Variants in PXDNL observed in about 807,000 individuals in gnomAD.
PXDNL encodes peroxidasin like.
In PXDNL, 145 loss-of-function variants were observed where a neutral mutation model predicts 150.8. The observed-to-expected ratio is 0.96, with a 90% CI of 0.84 to 1.10. PXDNL has a LOEUF of 1.10. Ranked by LOEUF, PXDNL falls within the 50% of genes least tolerant of loss-of-function variation. PXDNL has a pLI of 0.00. For missense variants in PXDNL, 2,087 were observed against 1,873.9 expected (o/e 1.11, Z -2.10); for synonymous variants, 757 against 725.7 (o/e 1.04, Z -0.69).
chr8:51,803,554 T>C (rs1202092457), intron 1 of PXDNL, among the ~76,000 whole-genome samples: 1 of 152,164 alleles, frequency 6.6e-6, no homozygotes, highest in Non-Finnish European at 1.5e-5. Context: ...CGATACTGTC[T>C]TCTGGGCTCC....
Position 51,627,204 on chromosome 8 carries a change from G to A in PXDNL, c.236+27485C>T, listed in dbSNP as rs374158762. 5.9e-5 allele frequency among the ~76,000 whole-genome samples: 9 copies of A among 152,198 alleles called. No homozygotes were observed. The East Asian group carries it at 1.4e-3, about 23-fold the overall frequency. On this transcript the variant is annotated intron_variant, in intron 2 of 22. Transcript: ENST00000356297. ...ATTTCTCTGTGACTTTGCTTCCAGC[G>A]ATTCTGGATAAATTTGAATACTAGC... is the stretch of plus-strand genomic sequence containing the variant.
rs986051891 is a variant in PXDNL, at chr8:51,726,930, C to T, written c.165-72170G>A. Among the ~76,000 whole-genome samples, 4 of 152,182 alleles carry T rather than the reference C, an allele frequency of 2.6e-5. No homozygotes were observed. In the East Asian group the frequency reaches 7.7e-4, roughly 29 times the overall value. ...ACTTTACAGTTTTAGTAAGGACTTTCAACCCTTTTCCTCCAGTTCAAGAAA... is the reference window on the plus strand; with the variant it reads ...ACTTTACAGTTTTAGTAAGGACTTTTAACCCTTTTCCTCCAGTTCAAGAAA... On this transcript the variant is annotated intron_variant, in intron 1 of 22. Transcript: ENST00000356297.
At chr8:51,644,062 C>T (rs917059472) in intron 2 of PXDNL, among the ~76,000 whole-genome samples, 5 of 151,492 alleles carry the variant, frequency 3.3e-5, no homozygotes, top group African/African-American at 7.3e-5. Context: ...AGGAGAATGG[C>T]GTGAACCTGG....
chr8:51,608,118 G>A (rs1238731807), intron 2 of PXDNL, among the ~76,000 whole-genome samples: 1 of 145,486 alleles, frequency 6.9e-6, no homozygotes, highest in Admixed American at 6.7e-5. Flanking sequence ...AGCCGGGCAC[G>A]GTCGCTCACG....
intron 1 of PXDNL, among the ~76,000 whole-genome samples, chr8:51,802,141 T>A (rs564111303): frequency 1.3e-5 from 2 of 152,274 alleles, no homozygotes; most frequent in East Asian, 1.9e-4. Context: ...GGAATTTTTT[T>A]AAGTATTTTT....
intron 17 of PXDNL, among the ~76,000 whole-genome samples, chr8:51,403,385 C>A (rs536693671): frequency 6.6e-6 from 1 of 152,132 alleles, no homozygotes; most frequent in Admixed American, 6.5e-5. Context: ...AGGAACCACA[C>A]CCAGCCCCCA....
intron 6 of PXDNL, among the ~76,000 whole-genome samples, chr8:51,480,974 G>A (rs1032839542): frequency 2.2e-4 from 34 of 152,298 alleles, no homozygotes; most frequent in African/African-American, 8.2e-4. Context: ...GGTACTGGGA[G>A]TGGGGCACTG....
chr8:51,613,291 A>G (rs1814056930), intron 2 of PXDNL, among the ~76,000 whole-genome samples: 1 of 151,986 alleles, frequency 6.6e-6, no homozygotes, highest in African/African-American at 2.4e-5. Context: ...TTAGGAGAGA[A>G]TATATTTGAG....
intron 2 of PXDNL, among the ~76,000 whole-genome samples, chr8:51,624,513 G>A (rs530716636): frequency 7.9e-5 from 12 of 152,030 alleles, no homozygotes; most frequent in African/African-American, 2.7e-4. Context: ...TGTTCTCATA[G>A]TCTGTTATAG....
chr8:51,600,274 AGAT>A (rs1813671080), intron 2 of PXDNL, among the ~76,000 whole-genome samples: 1 of 127,858 alleles, frequency 7.8e-6, no homozygotes, highest in Non-Finnish European at 1.6e-5. Context: ...TATATCGTTT[AGAT>A]AATAAATTAT....
At chr8:51,575,575 T>C (rs1000992697) in intron 3 of PXDNL, among the ~76,000 whole-genome samples, 20 of 151,760 alleles carry the variant, frequency 1.3e-4, no homozygotes, top group African/African-American at 4.1e-4. Flanking sequence ...ATTAGCCAGG[T>C]GGTGTGGTGC....
intron 6 of PXDNL, among the ~76,000 whole-genome samples, chr8:51,477,893 T>A (rs1038427262): frequency 6.6e-6 from 1 of 152,150 alleles, no homozygotes; most frequent in African/African-American, 2.4e-5. Context: ...ATTATTATTT[T>A]CAACTTAAGA....
At chr8:51,761,285 T>C (rs2037164472) in intron 1 of PXDNL, among the ~76,000 whole-genome samples, 1 of 152,144 alleles carries the variant, frequency 6.6e-6, no homozygotes, top group Admixed American at 6.5e-5. Flanking sequence ...GAATGTATTA[T>C]GAAGAACATT....
At chr8:51,406,376 C>A (rs1414311294) in intron 17 of PXDNL, among the ~76,000 whole-genome samples, 1 of 152,204 alleles carries the variant, frequency 6.6e-6, no homozygotes, top group Non-Finnish European at 1.5e-5. Flanking sequence ...TTCTTGGCTC[C>A]TATGCTAGTC....
chr8:51,473,674 C>T (rs1320460905), intron 7 of PXDNL, among the ~76,000 whole-genome samples: 1 of 149,300 alleles, frequency 6.7e-6, no homozygotes, highest in African/African-American at 2.5e-5. Flanking sequence ...AGCACACCAA[C>T]ATGGCACATG....
At chr8:51,540,595 C>T (rs1812194538) in intron 4 of PXDNL, among the ~76,000 whole-genome samples, 1 of 151,808 alleles carries the variant, frequency 6.6e-6, no homozygotes, top group South Asian at 2.1e-4. Flanking sequence ...GACTTAAATC[C>T]TTTAAAATTT....
chr8:51,345,793 T>C (rs368104169), intron 20 of PXDNL, 40 bp downstream of exon 20: 401 of 1,268,794 alleles, frequency 3.2e-4, no homozygotes, highest in Non-Finnish European at 2.4e-4. Context: ...AGCAAATCTA[T>C]AGTAAGTTGC....
rs552423402 is a variant in PXDNL at position 51,565,000 on chromosome 8, T to G, written c.309-8089A>C. ...ACATTTCATTAGCTAAGGCTTCCAGTACGATGGTGAATAGGGATGGAGAGA... is the reference window on the plus strand; with the variant it reads ...ACATTTCATTAGCTAAGGCTTCCAGGACGATGGTGAATAGGGATGGAGAGA... On this transcript the variant is annotated intron_variant, in intron 3 of 22. Transcript: ENST00000356297. 2.0e-5 allele frequency among the ~76,000 whole-genome samples: 3 copies of G among 151,982 alleles called. No individual in the cohort carries two copies. In the South Asian group the frequency reaches 6.2e-4, roughly 32 times the overall value.
chr8:51,402,499 A>G (rs529768922), intron 17 of PXDNL, among the ~76,000 whole-genome samples: 2 of 152,268 alleles, frequency 1.3e-5, no homozygotes, highest in East Asian at 3.9e-4. Flanking sequence ...AGCGTGGGTG[A>G]CAGAGAAAGA....
Sources: gnomAD v4.1 joint callset for allele counts (sites outside exome capture counted in the v4.1 genomes callset) on GRCh38, gnomAD v4.1.1 for gene constraint, MANE v1.5 for transcripts, NCBI Gene and HGNC (gene_info 2026-07-23, HGNC 2026-07-21) for gene names.